RPGRIP1L: variants seen among roughly 807,000 people sequenced by gnomAD.
RPGRIP1L encodes the protein RPGRIP1 like.
Under a neutral mutation model 160.4 loss-of-function variants are expected in RPGRIP1L, and 131 were observed. The observed-to-expected ratio is 0.82, with a 90% confidence interval of 0.71 to 0.94. RPGRIP1L has a LOEUF of 0.94. Among genes scored for constraint, RPGRIP1L ranks in the 40% least tolerant of loss-of-function variants. The pLI is 0.00. For synonymous variants in RPGRIP1L, 510 were observed against 515.8 expected (o/e 0.99, Z 0.15); for missense variants, 1,522 against 1,535.8 (o/e 0.99, Z 0.15).
Position 53,667,553 on chromosome 16 carries a change from CAT to C in RPGRIP1L, c.1104-2546_1104-2545del, listed in dbSNP as rs939247956. ...AGGAGTTCAAGACCAGCCTAGGAAA[CAT>C]AGAGAGATCCCATCTCTATAAAAAA... On this transcript the variant is annotated intron_variant, in intron 9 of 26. Transcript: ENST00000647211. Among the ~76,000 whole-genome samples the C allele has an allele frequency of 1.7e-4, 26 of 152,096 alleles. 2 individuals carry two copies. Among genetic ancestry groups the C allele is most frequent in the Admixed American group, 5.2e-4 (8 of 15,276 alleles).
At position 53,600,800 on chromosome 16, in the gene RPGRIP1L, C is replaced by T. The variant is rs375800554; in HGVS notation, c.*1276G>A. 7.2e-5 allele frequency: 11 copies of T among 152,596 alleles called. No homozygotes were observed. In the East Asian group the frequency reaches 1.9e-3, roughly 27 times the overall value. 9.5% of individuals were successfully genotyped at this position (152,596 alleles called of 1,614,324 possible). On this transcript the variant is annotated 3_prime_UTR_variant, in exon 27 of 27. Transcript: ENST00000647211. ...CTCATTTTCCAGAGCTTTAATCACA[C>T]AAAGAGGGAATGCCTAATTCTCTAA...
In RPGRIP1L at chr16:53,645,740, A is replaced by C; in HGVS notation, c.2568T>G (p.Leu856=). The C allele has an allele frequency of 6.2e-7, 1 of 1,614,160 alleles. No homozygotes were observed. Among genetic ancestry groups the C allele is most frequent in the Non-Finnish European group, 8.5e-7 (1 of 1,180,004 alleles). The change falls in exon 17 of 27, where the codon CTT becomes CTG. Residue 856 remains leucine, a synonymous_variant. Transcript: ENST00000647211. ...VPMNMDLDRY[L]KSESLSFYVF... ...CATAAAAACTCAGAGACTCTGACTT[A>C]AGGTATCGATCCAAGTCCATATTCA...
chr16:53,665,597 C>T (rs1218472538), intron 9 of RPGRIP1L, among the ~76,000 whole-genome samples: 2 of 152,038 alleles, frequency 1.3e-5, no homozygotes, highest in South Asian at 2.1e-4. Context: ...AGATGTAACA[C>T]GATTGGAATG....
intron 6 of RPGRIP1L, among the ~76,000 whole-genome samples, chr16:53,682,440 C>T (rs1181779112): frequency 6.6e-6 from 1 of 152,150 alleles, no homozygotes; most frequent in African/African-American, 2.4e-5. Flanking sequence ...TTGTCTATCA[C>T]TCTATTTCTT....
Position 53,666,592 on chromosome 16 carries a change from GTA to G in RPGRIP1L, c.1104-1585_1104-1584del, listed in dbSNP as rs71380041. 6.7e-3 allele frequency among the ~76,000 whole-genome samples: 992 copies of G among 147,404 alleles called. 7 individuals are homozygous for G. Among genetic ancestry groups the G allele is most frequent in the African/African-American group, 0.02 (793 of 40,358 alleles). On this transcript the variant is annotated intron_variant, in intron 9 of 26. Transcript: ENST00000647211. ...TGTGTGTGTGTGTGTGTGTGTGTGT[GTA>G]TATATATATATATGTATGTATGTAT...
chr16:53,656,361 G>C, intron 14 of RPGRIP1L, 111 bp downstream of exon 14: 1 of 814,216 alleles, frequency 1.2e-6, no homozygotes, highest in South Asian at 1.3e-5. Context: ...CTATGAATTA[G>C]GCGTAAACAC....
chr16:53,695,914 G>A lies in RPGRIP1L; in HGVS notation c.230+237C>T, dbSNP rs367625395. The A allele has an allele frequency of 3.0e-4, 135 of 450,902 alleles. 1 individual carries two copies. The highest frequency in any genetic ancestry group is 1.9e-3 in the East Asian group (43 of 23,080). 27.9% of individuals were successfully genotyped at this position (450,902 alleles called of 1,614,324 possible). ...TTATTTATAGGTATGATATACTAACGGCACTCTATTAGCTTTTTTCATTTA... is the reference window on the plus strand; with the variant it reads ...TTATTTATAGGTATGATATACTAACAGCACTCTATTAGCTTTTTTCATTTA... On this transcript the variant is annotated intron_variant, in intron 3 of 26. Transcript: ENST00000647211.
rs767018622 is a variant in RPGRIP1L at position 53,638,377 on chromosome 16, AT to A, written c.2992del (p.Ile998PhefsTer5). 2 of 1,594,922 alleles carry A rather than the reference AT, an allele frequency of 1.3e-6. No homozygotes were observed. The highest frequency in any genetic ancestry group is 1.7e-6 in the Non-Finnish European group (2 of 1,163,224). ...TGGTATATGCTCTACCTCTGGTGAA[AT>A]TTCCTTCCTATCTTCAGGAGGAGGA... ...TSPPPEDRKE[I>X]SPEVEHIPEI... On this transcript the variant is annotated frameshift_variant, in exon 20 of 27. Transcript: ENST00000647211. LOFTEE classifies it high-confidence loss of function.
chr16:53,602,714 C>A (rs528848770), intron 26 of RPGRIP1L, among the ~76,000 whole-genome samples: 4 of 149,924 alleles, frequency 2.7e-5, no homozygotes, highest in Admixed American at 2.0e-4. Context: ...GTGGAGGTTG[C>A]GGTGAGCCGA....
chr16:53,700,752 A>G (rs1488224081), intron 1 of RPGRIP1L, 22 bp from the exon 2 acceptor site: 1 of 1,565,518 alleles, frequency 6.4e-7, no homozygotes. Flanking sequence ...AGAAAATTCA[A>G]ATAAACTCTT....
At position 53,658,891 on chromosome 16, in the gene RPGRIP1L, G is replaced by A. The variant is rs764976507; in HGVS notation, c.1244-13C>T. ...TTTTCATTTTGATCTTAAAAATAAA[G>A]TCCACACAATTGGAAAGGTAAGTAA... On this transcript the variant is annotated splice_polypyrimidine_tract_variant and intron_variant, in intron 10 of 26. Coordinates refer to ENST00000647211, the MANE Select transcript of RPGRIP1L (RefSeq NM_015272.5). The A allele has an allele frequency of 6.7e-7, 1 of 1,494,918 alleles. No homozygotes were observed. 92.6% of individuals were successfully genotyped at this position (1,494,918 alleles called of 1,614,324 possible).
chr16:53,621,751 A>G (rs1292757458), intron 23 of RPGRIP1L, among the ~76,000 whole-genome samples: 1 of 152,138 alleles, frequency 6.6e-6, no homozygotes, highest in Admixed American at 6.5e-5. Flanking sequence ...GGCCGGGCGC[A>G]GTGGCTCACG....
At position 53,599,920 on chromosome 16, in the gene RPGRIP1L, A is replaced by G. The variant is rs769835037; in HGVS notation, c.*2156T>C. 2.0e-5 allele frequency: 3 copies of G among 152,250 alleles called. No individual in the cohort carries two copies. Among genetic ancestry groups the G allele is most frequent in the Non-Finnish European group, 4.4e-5 (3 of 68,044 alleles). 9.4% of individuals were successfully genotyped at this position (152,250 alleles called of 1,614,324 possible). ...TTGAAACTGAATATTTTAAAACTAG[A>G]TATCTTTAATATGACAGTAAACAAT... is the stretch of plus-strand genomic sequence containing the variant. On this transcript the variant is annotated 3_prime_UTR_variant, in exon 27 of 27. Coordinates refer to ENST00000647211, the MANE Select transcript of RPGRIP1L (RefSeq NM_015272.5).
At chr16:53,616,803 G>A (rs1305540620) in intron 24 of RPGRIP1L, among the ~76,000 whole-genome samples, 1 of 151,922 alleles carries the variant, frequency 6.6e-6, no homozygotes, top group Non-Finnish European at 1.5e-5. Context: ...TGGGCATGGT[G>A]GCTCGCACCT....
At position 53,602,088 on chromosome 16, in the gene RPGRIP1L, G is replaced by A. The variant is rs4784320; in HGVS notation, c.3936C>T (p.Asp1312=). The change falls in exon 27 of 27, where the codon GAC becomes GAT. Residue 1312 remains aspartate, a synonymous_variant. Transcript: ENST00000647211. ...GGAGCATTTGCTTTCAAGCCTCCAA[G>A]TCATCTCTGTATTGCTTGTAGACAG... ...LQSVYKQYRD[D]LEA 78,401 of 1,607,948 alleles carry A rather than the reference G, an allele frequency of 0.049. 4,690 individuals are homozygous for A. Among genetic ancestry groups the A allele is most frequent in the African/African-American group, 0.29 (21,649 of 74,674 alleles).
chr16:53,625,940 G>A (rs950979835), intron 22 of RPGRIP1L, among the ~76,000 whole-genome samples: 1 of 151,698 alleles, frequency 6.6e-6, no homozygotes, highest in African/African-American at 2.4e-5. Context: ...ATGCTTGAAG[G>A]CAGCATGCTC....
chr16:53,680,935 T>G (rs910118527), intron 6 of RPGRIP1L, among the ~76,000 whole-genome samples: 1 of 152,106 alleles, frequency 6.6e-6, no homozygotes, highest in Non-Finnish European at 1.5e-5. Context: ...GCAGGCCGAG[T>G]GCAAAAACAG....
intron 15 of RPGRIP1L, among the ~76,000 whole-genome samples, chr16:53,649,856 T>C (rs1966827221): frequency 1.3e-5 from 2 of 152,218 alleles, no homozygotes; most frequent in Non-Finnish European, 2.9e-5. Flanking sequence ...CATAAGTTTC[T>C]TGAGAGCAAG....
intron 6 of RPGRIP1L, among the ~76,000 whole-genome samples, chr16:53,684,254 A>G (rs976806639): frequency 5.3e-4 from 81 of 152,250 alleles, no homozygotes; most frequent in African/African-American, 1.9e-3. Context: ...TATATACCCA[A>G]AGGATTATAA....
Sources: gnomAD v4.1 joint callset for allele counts (sites outside exome capture counted in the v4.1 genomes callset) on GRCh38, gnomAD v4.1.1 for gene constraint, MANE v1.5 for transcripts, NCBI Gene and HGNC (gene_info 2026-07-23, HGNC 2026-07-21) for gene names.